The following SEMA5A variants were observed in gnomAD, a reference collection of about 807,000 sequenced individuals.
SEMA5A encodes the protein semaphorin-5A.
A neutral mutation model predicts 135.5 loss-of-function variants in SEMA5A; 55 were observed. The observed-to-expected ratio is 0.41, with a 90% CI of 0.33 to 0.51. The LOEUF is 0.51. Among genes scored for constraint, SEMA5A ranks in the 20% least tolerant of loss-of-function variants. SEMA5A has a pLI of 0.37. For missense variants in SEMA5A, 1,290 were observed against 1,419.9 expected (o/e 0.91, Z 1.47); for synonymous variants, 580 against 546.5 (o/e 1.06, Z -0.85).
rs745420173 is a variant in SEMA5A at position 9,197,305 on chromosome 5, T to C, written c.933-2A>G. On this transcript the variant is annotated splice_acceptor_variant, in intron 9 of 22. Transcript: ENST00000382496. LOFTEE classifies it high-confidence loss of function. ...ACAGCTGAGGCCGCAATGCTGTTCCTGGGAGCGGAGGGAGAGAGAGAAGGC... is the reference window on the plus strand; with the variant it reads ...ACAGCTGAGGCCGCAATGCTGTTCCCGGGAGCGGAGGGAGAGAGAGAAGGC... 1 of 1,599,360 alleles carries C rather than the reference T, an allele frequency of 6.3e-7. No homozygotes were observed. The highest frequency in any genetic ancestry group is 1.1e-5 in the South Asian group (1 of 90,322).
At chr5:9,400,469 C>T (rs1184513400) in intron 2 of SEMA5A, among the ~76,000 whole-genome samples, 4 of 149,460 alleles carry the variant, frequency 2.7e-5, no homozygotes, top group Admixed American at 2.7e-4. Context: ...GTAAAATTGA[C>T]ATTCTTCTTC....
intron 5 of SEMA5A, among the ~76,000 whole-genome samples, chr5:9,248,483 G>A (rs1748590591): frequency 6.6e-6 from 1 of 151,350 alleles, no homozygotes; most frequent in Admixed American, 6.6e-5. Context: ...TGGAGCATTG[G>A]AGTAGGATGA....
chr5:9,491,544 A>G (rs1037781175), intron 1 of SEMA5A, among the ~76,000 whole-genome samples: 1 of 152,140 alleles, frequency 6.6e-6, no homozygotes, highest in African/African-American at 2.4e-5. Context: ...AATGCAGGCA[A>G]AACAATAAGG....
rs79486844 is a variant in SEMA5A, at chr5:9,224,123, G to A, written c.646+551C>T. On this transcript the variant is annotated intron_variant, in intron 8 of 22. Transcript: ENST00000382496. ...CAGACTGTGGATGGCAGAGACTGCA[G>A]TGAATACTCGCCTCCTTATTAACTG... Among the ~76,000 whole-genome samples, 446 of 152,316 alleles carry A rather than the reference G, an allele frequency of 2.9e-3. 3 individuals carry two copies. The highest frequency in any genetic ancestry group is 0.019 in the East Asian group (96 of 5,178).
chr5:9,151,429 A>G (rs1742629479), intron 12 of SEMA5A, among the ~76,000 whole-genome samples: 1 of 152,230 alleles, frequency 6.6e-6, no homozygotes, highest in Non-Finnish European at 1.5e-5. Flanking sequence ...TTAGTATCCA[A>G]TCGTTACCCA....
At position 9,492,674 on chromosome 5, in the gene SEMA5A, T is replaced by C. The variant is rs540206987; in HGVS notation, c.-175+52910A>G. Among the ~76,000 whole-genome samples, 5 of 152,334 alleles carry C rather than the reference T, an allele frequency of 3.3e-5. No individual in the cohort carries two copies. The South Asian group carries it at 1.0e-3, about 32-fold the overall frequency. Reference sequence around the variant, plus strand: ...GAAGAAAATAGCATACCATGGAATATTAGCCTGTGCTAAAAAGAAATGAGC... The same window carrying C: ...GAAGAAAATAGCATACCATGGAATACTAGCCTGTGCTAAAAAGAAATGAGC... On this transcript the variant is annotated intron_variant, in intron 1 of 22. Coordinates refer to ENST00000382496, the MANE Select transcript of SEMA5A (RefSeq NM_003966.3).
chr5:9,378,943 T>G (rs994436675), intron 3 of SEMA5A, among the ~76,000 whole-genome samples: 1 of 152,144 alleles, frequency 6.6e-6, no homozygotes, highest in Non-Finnish European at 1.5e-5. Flanking sequence ...TTTTTTTTAA[T>G]TTCCTCCAAA....
chr5:9,452,059 C>T (rs1304901919), intron 1 of SEMA5A, among the ~76,000 whole-genome samples: 1 of 152,204 alleles, frequency 6.6e-6, no homozygotes, highest in South Asian at 2.1e-4. Context: ...CTTCCTTTCA[C>T]CCACTTCCTT....
chr5:9,497,319 T>C (rs1241523569), intron 1 of SEMA5A, among the ~76,000 whole-genome samples: 1 of 152,208 alleles, frequency 6.6e-6, no homozygotes, highest in Non-Finnish European at 1.5e-5. Flanking sequence ...TCTTTTTATT[T>C]TTAAAAAAGC....
At chr5:9,364,029 AGAAG>A (rs372639384) in intron 3 of SEMA5A, among the ~76,000 whole-genome samples, 3 of 152,346 alleles carry the variant, frequency 2.0e-5, no homozygotes, top group African/African-American at 7.2e-5. Context: ...AATTTGGCTC[AGAAG>A]GAAGGGGAAG....
chr5:9,123,391 A>G lies in SEMA5A; in HGVS notation c.1600-554T>C, dbSNP rs564867799. 2.0e-5 allele frequency among the ~76,000 whole-genome samples: 3 copies of G among 150,492 alleles called. No individual in the cohort carries two copies. The South Asian group carries it at 6.5e-4, about 33-fold the overall frequency. ...AGGGAGACAGGGGGAAAGGGGAGAC[A>G]GAAAATAAGAAGAGGAAGATGAAGA... On this transcript the variant is annotated intron_variant, in intron 13 of 22. Coordinates refer to ENST00000382496, the MANE Select transcript of SEMA5A (RefSeq NM_003966.3).
Position 9,318,671 on chromosome 5 carries a change from G to T in SEMA5A, c.225-254C>A, listed in dbSNP as rs890580099. On this transcript the variant is annotated intron_variant, in intron 4 of 22. Transcript: ENST00000382496. ...GTGTCTGTACATACTTACGGTAAGT[G>T]TAAGTCATTAACTGGATCTCTTGAT... is the stretch of plus-strand genomic sequence containing the variant. Among the ~76,000 whole-genome samples the T allele has an allele frequency of 3.3e-5, 5 of 152,276 alleles. No individual in the cohort carries two copies. The East Asian group carries it at 9.7e-4, about 29-fold the overall frequency.
intron 1 of SEMA5A, among the ~76,000 whole-genome samples, chr5:9,539,890 T>C (rs78826326): frequency 0.096 from 14,672 of 152,262 alleles, 960 homozygotes; most frequent in Non-Finnish European, 0.15. Context: ...CTAGGAAATA[T>C]GCAGTCCCTC....
chr5:9,358,578 T>C (rs1754553788), intron 3 of SEMA5A, among the ~76,000 whole-genome samples: 1 of 152,250 alleles, frequency 6.6e-6, no homozygotes, highest in Non-Finnish European at 1.5e-5. Context: ...TGCGCTGCTA[T>C]GTCCTACACT....
intron 2 of SEMA5A, among the ~76,000 whole-genome samples, chr5:9,419,957 G>A (rs1287412108): frequency 6.6e-6 from 1 of 152,120 alleles, no homozygotes; most frequent in Non-Finnish European, 1.5e-5. Flanking sequence ...AGCTCTATTA[G>A]CACATCTGCA....
chr5:9,531,892 G>C lies in SEMA5A; in HGVS notation c.-175+13692C>G, dbSNP rs146588537. ...CACTAAAAGCAAACAAGTGATCCAAGTTATAATGGGACCCCATCATAAGCC... is the reference window on the plus strand; with the variant it reads ...CACTAAAAGCAAACAAGTGATCCAACTTATAATGGGACCCCATCATAAGCC... On this transcript the variant is annotated intron_variant, in intron 1 of 22. Coordinates refer to ENST00000382496, the MANE Select transcript of SEMA5A (RefSeq NM_003966.3). 3.7e-3 allele frequency among the ~76,000 whole-genome samples: 563 copies of C among 152,284 alleles called. 6 individuals are homozygous for C. Among genetic ancestry groups the C allele is most frequent in the South Asian group, 0.028 (137 of 4,830 alleles).
chr5:9,273,782 C>A (rs573818520), intron 5 of SEMA5A, among the ~76,000 whole-genome samples: 14 of 152,202 alleles, frequency 9.2e-5, no homozygotes, highest in African/African-American at 3.4e-4. Context: ...TACAGACAAG[C>A]AAATGCTGAG....
intron 1 of SEMA5A, among the ~76,000 whole-genome samples, chr5:9,454,950 A>G (rs2126713421): frequency 6.6e-6 from 1 of 152,350 alleles, no homozygotes; most frequent in South Asian, 2.1e-4. Flanking sequence ...AAAGGGATAC[A>G]CGTACTATTT....
At chr5:9,345,790 G>A (rs1179187634) in intron 3 of SEMA5A, among the ~76,000 whole-genome samples, 1 of 151,946 alleles carries the variant, frequency 6.6e-6, no homozygotes, top group Non-Finnish European at 1.5e-5. Context: ...TAGATATATT[G>A]TATATAAGTA....
Sources: allele counts gnomAD v4.1 joint callset (sites outside exome capture counted in the v4.1 genomes callset), GRCh38; gene constraint gnomAD v4.1.1; transcripts MANE v1.5; gene names NCBI Gene and HGNC (gene_info 2026-07-23, HGNC 2026-07-21).